The following ZNF865 variants were observed in gnomAD, a reference collection of about 807,000 sequenced individuals.
The protein encoded by ZNF865 is zinc finger protein 865.
For synonymous variants in ZNF865, 763 were observed against 750.8 expected (o/e 1.02, Z -0.27); for missense variants, 1,311 against 1,593.4 (o/e 0.82, Z 3.02).
intron 1 of ZNF865, among the ~76,000 whole-genome samples, chr19:55,606,659 C>G (rs1980955140): frequency 6.6e-6 from 1 of 152,212 alleles, no homozygotes; most frequent in African/African-American, 2.4e-5. Flanking sequence ...TCCTGGACTC[C>G]CTAGGGAAGA....
chr19:55,616,381 G>A lies in ZNF865; in HGVS notation c.2763G>A (p.Glu921=). Residue 921 remains glutamate (E), a synonymous_variant, in exon 2 of 2, where the codon GAG becomes GAA. Coordinates refer to ENST00000568956, the MANE Select transcript of ZNF865 (RefSeq NM_001195605.2). ...KRFAQSSSLA[E]HRRLHAVARP... ...TCGCGCAGTCGTCCAGCCTGGCAGA[G>A]CACCGGCGGCTGCACGCTGTGGCCC... The A allele has an allele frequency of 6.6e-7, 1 of 1,510,624 alleles. No homozygotes were observed. Among genetic ancestry groups the A allele is most frequent in the South Asian group, 1.2e-5 (1 of 80,762 alleles). 93.6% of individuals were successfully genotyped at this position (1,510,624 alleles called of 1,614,324 possible).
At position 55,616,435 on chromosome 19, in the gene ZNF865, G is replaced by A; in HGVS notation, c.2817G>A (p.Lys939=). 1 of 1,521,996 alleles carries A rather than the reference G, an allele frequency of 6.6e-7. No individual in the cohort carries two copies. The highest frequency in any genetic ancestry group is 8.8e-7 in the Non-Finnish European group (1 of 1,140,082). The allele number at this position is 1,521,996 out of a possible 1,614,324, so 94.3% of individuals were successfully genotyped here. ...CCCAGCGCTGCAGCGCCTGTGGCAA[G>A]ACCTTCCGCTACCGCTCCAACCTGC... ...ARPQRCSACG[K]TFRYRSNLLE... Residue 939 remains lysine (K), a synonymous_variant, in exon 2 of 2, where the codon AAG becomes AAA. Coordinates refer to ENST00000568956, the MANE Select transcript of ZNF865 (RefSeq NM_001195605.2).
Position 55,616,070 on chromosome 19 carries a change from C to T in ZNF865, c.2452C>T (p.Arg818Trp). ...VTHKYVHLVRRTLGCGLCGQS... is the reference protein window; with the variant it reads ...VTHKYVHLVRWTLGCGLCGQS... ...TCACAAGTACGTGCACCTGGTGCGA[C>T]GGACCCTGGGCTGCGGCCTCTGCGG... The change falls in exon 2 of 2, where the codon CGG (arginine) becomes TGG (tryptophan). Residue 818 changes from arginine to tryptophan, a missense_variant. Transcript: ENST00000568956. 1.3e-6 allele frequency: 2 copies of T among 1,511,386 alleles called. No individual in the cohort carries two copies. The highest frequency in any genetic ancestry group is 1.8e-6 in the Non-Finnish European group (2 of 1,134,974). The allele number at this position is 1,511,386 out of a possible 1,614,324, so 93.6% of individuals were successfully genotyped here.
intron 1 of ZNF865, among the ~76,000 whole-genome samples, chr19:55,606,102 C>A (rs1980930148): frequency 6.6e-6 from 1 of 152,122 alleles, no homozygotes; most frequent in African/African-American, 2.4e-5. Flanking sequence ...AGGGCAGCTG[C>A]TCGTGAACCC....
rs1237266766 is a variant in ZNF865, at chr19:55,613,900, G to GTCCTCGTCCTCGTCCTCCTCC, written c.288_308dup (p.Ser111_Ser117dup). On this transcript the variant is annotated inframe_insertion, in exon 2 of 2. Transcript: ENST00000568956. Reference sequence around the variant, plus strand: ...AGCCCAAGGCGGAGGTGCCCTCCTCGTCCTCGTCCTCGTCCTCCTCCTCCT... The same window carrying GTCCTCGTCCTCGTCCTCCTCC: ...AGCCCAAGGCGGAGGTGCCCTCCTCGTCCTCGTCCTCGTCCTCCTCCTCCTCGTCCTCGTCCTCCTCCTCCT... The GTCCTCGTCCTCGTCCTCCTCC allele has an allele frequency of 7.3e-6, 11 of 1,501,652 alleles. No individual in the cohort carries two copies. Among genetic ancestry groups the GTCCTCGTCCTCGTCCTCCTCC allele is most frequent in the South Asian group, 1.2e-5 (1 of 82,800 alleles). 93.0% of individuals were successfully genotyped at this position (1,501,652 alleles called of 1,614,324 possible).
chr19:55,610,139 A>G (rs1301852127), intron 1 of ZNF865, among the ~76,000 whole-genome samples: 1 of 152,166 alleles, frequency 6.6e-6, no homozygotes, highest in Non-Finnish European at 1.5e-5. Context: ...TCATTCCACA[A>G]ATACCAAGAT....
rs1416989379 is a variant in ZNF865 at position 55,614,240 on chromosome 19, G to A, written c.622G>A (p.Asp208Asn). 4.6e-6 allele frequency: 7 copies of A among 1,512,650 alleles called. No homozygotes were observed. The South Asian group carries it at 7.3e-5, about 16-fold the overall frequency. 93.7% of individuals were successfully genotyped at this position (1,512,650 alleles called of 1,614,324 possible). A position where few individuals can be genotyped will look rare whatever the true frequency, so the allele number is the denominator to read the frequency against. The change falls in exon 2 of 2, where the codon GAC (aspartate) becomes AAC (asparagine). Residue 208 changes from aspartate (D) to asparagine (N), a missense_variant. Physicochemically the swap from Asp to Asn is conservative, Grantham distance 23. Coordinates refer to ENST00000568956, the MANE Select transcript of ZNF865 (RefSeq NM_001195605.2). The surrounding 1 kb of genome is among the most constrained non-coding windows in gnomAD (Gnocchi z 8.0). ...GGCGGCGGCCTGCGACCCCACCAAG[G>A]ACGACAAGGGCTACTTCCGGAGACT... ...PAAAACDPTK[D>N]DKGYFRRLKY...
chr19:55,609,359 C>G (rs780713537), intron 1 of ZNF865, among the ~76,000 whole-genome samples: 2 of 152,186 alleles, frequency 1.3e-5, no homozygotes, highest in Non-Finnish European at 2.9e-5. Flanking sequence ...GGCCCTCAGT[C>G]TCTTCCTTTG....
Position 55,616,255 on chromosome 19 carries a change from C to G in ZNF865, c.2637C>G (p.Gly879=). The change falls in exon 2 of 2, where the codon GGC becomes GGG. Residue 879 remains glycine, a synonymous_variant. Coordinates refer to ENST00000568956, the MANE Select transcript of ZNF865 (RefSeq NM_001195605.2). ...CHTEQRPYRC[G]VCGRGFLRSW... is the part of the protein sequence containing the mutation. Reference sequence around the variant, plus strand: ...CGGAACAGCGGCCGTACCGATGTGGCGTGTGCGGCCGAGGCTTCCTGCGCT... The same window carrying G: ...CGGAACAGCGGCCGTACCGATGTGGGGTGTGCGGCCGAGGCTTCCTGCGCT... 1 of 1,522,544 alleles carries G rather than the reference C, an allele frequency of 6.6e-7. No homozygotes were observed. The highest frequency in any genetic ancestry group is 1.2e-5 in the South Asian group (1 of 82,938). 94.3% of individuals were successfully genotyped at this position (1,522,544 alleles called of 1,614,324 possible).
intron 1 of ZNF865, among the ~76,000 whole-genome samples, chr19:55,611,000 TCCTGATAGTTCTC>T (rs1406168136): frequency 6.6e-6 from 1 of 152,128 alleles, no homozygotes; most frequent in Non-Finnish European, 1.5e-5. Context: ...AAAGCTCTTA[TCCTGATAGTTCTC>T]CCCTCACCTT....
Position 55,615,388 on chromosome 19 carries a change from C to T in ZNF865, c.1770C>T (p.Ser590=). ...CPVCGKRFRE[S]FHLSKHHVVH... is the part of the protein sequence containing the mutation. Reference sequence around the variant, plus strand: ...TGTGTGGGAAGCGCTTCCGCGAATCCTTCCACTTGAGCAAGCATCACGTGG... The same window carrying T: ...TGTGTGGGAAGCGCTTCCGCGAATCTTTCCACTTGAGCAAGCATCACGTGG... Residue 590 remains serine (S), a synonymous_variant, in exon 2 of 2, where the codon TCC becomes TCT. Coordinates refer to ENST00000568956, the MANE Select transcript of ZNF865 (RefSeq NM_001195605.2). The T allele has an allele frequency of 6.7e-7, 1 of 1,499,012 alleles. No individual in the cohort carries two copies. The highest frequency in any genetic ancestry group is 2.3e-5 in the Admixed American group (1 of 44,390). 92.9% of individuals were successfully genotyped at this position (1,499,012 alleles called of 1,614,324 possible). A position where few individuals can be genotyped will look rare whatever the true frequency, so the allele number is the denominator to read the frequency against.
rs2123589957 is a variant in ZNF865 at position 55,613,666 on chromosome 19, C to T, written c.48C>T (p.Ser16=). The T allele has an allele frequency of 6.5e-7, 1 of 1,528,872 alleles. No homozygotes were observed. Among genetic ancestry groups the T allele is most frequent in the Non-Finnish European group, 8.7e-7 (1 of 1,143,668 alleles). 94.7% of individuals were successfully genotyped at this position (1,528,872 alleles called of 1,614,324 possible). The change falls in exon 2 of 2, where the codon AGC becomes AGT. Residue 16 remains serine, a synonymous_variant. Transcript: ENST00000568956. The part of the protein sequence containing the change: ...AGSGAGGGGS[S]GIGGEDGVHF... ...GCGGCGCCGGGGGTGGCGGGAGCAG[C>T]GGCATCGGGGGCGAGGACGGGGTGC... is the stretch of plus-strand genomic sequence containing the variant.
In ZNF865 at chr19:55,614,048, A is replaced by C; in HGVS notation, c.430A>C (p.Thr144Pro). Residue 144 changes from threonine to proline, a missense_variant, in exon 2 of 2, where the codon ACT becomes CCT. Physicochemically the swap from Thr to Pro is conservative, Grantham distance 38. Coordinates refer to ENST00000568956, the MANE Select transcript of ZNF865 (RefSeq NM_001195605.2). The surrounding 1 kb of genome is among the most constrained non-coding windows in gnomAD (Gnocchi z 8.0). ...PPPLFDAAFP[T>P]PQWGIVDLSG... is the part of the protein sequence containing the mutation. ...TCCCCTCTTTGACGCTGCTTTCCCC[A>C]CTCCGCAGTGGGGCATCGTGGACCT... 4 of 1,456,560 alleles carry C rather than the reference A, an allele frequency of 2.7e-6. No individual in the cohort carries two copies. The highest frequency in any genetic ancestry group is 4.8e-5 in the Admixed American group (2 of 41,470). The allele number at this position is 1,456,560 out of a possible 1,614,324, so 90.2% of individuals were successfully genotyped here. A position where few individuals can be genotyped will look rare whatever the true frequency, so the allele number is the denominator to read the frequency against.
In ZNF865 at chr19:55,614,077, G is replaced by T. The variant is rs756703150; in HGVS notation, c.459G>T (p.Ser153=). The change falls in exon 2 of 2, where the codon TCG becomes TCT. Residue 153 remains serine, a synonymous_variant. Transcript: ENST00000568956. This position sits in a 1 kb window ranked among gnomAD's most constrained non-coding sequence, Gnocchi z 8.0. ...PTPQWGIVDL[S]GHQHLFGNLK... is the part of the protein sequence containing the mutation. ...CGCAGTGGGGCATCGTGGACCTCTC[G>T]GGGCACCAGCACTTGTTTGGGAACC... The T allele has an allele frequency of 8.3e-6, 12 of 1,448,746 alleles. No homozygotes were observed. The highest frequency in any genetic ancestry group is 1.1e-5 in the Non-Finnish European group (12 of 1,107,740). 89.7% of individuals were successfully genotyped at this position (1,448,746 alleles called of 1,614,324 possible).
At chr19:55,607,928 C>G (rs1317036823) in intron 1 of ZNF865, among the ~76,000 whole-genome samples, 2 of 152,152 alleles carry the variant, frequency 1.3e-5, no homozygotes, top group African/African-American at 2.4e-5. Flanking sequence ...TGTTGTAGGT[C>G]CTGGGGATGG....
At chr19:55,606,989 T>C (rs186789426) in intron 1 of ZNF865, among the ~76,000 whole-genome samples, 51 of 152,076 alleles carry the variant, frequency 3.4e-4, no homozygotes, top group African/African-American at 1.1e-3. Context: ...GAAGTGGCGG[T>C]GAGCACGGTG....
At position 55,615,915 on chromosome 19, in the gene ZNF865, G is replaced by T. The variant is rs1326726185; in HGVS notation, c.2297G>T (p.Gly766Val). 1.6e-5 allele frequency: 24 copies of T among 1,484,070 alleles called. No homozygotes were observed. In the South Asian group the frequency reaches 1.8e-4, roughly 11 times the overall value. 91.9% of individuals were successfully genotyped at this position (1,484,070 alleles called of 1,614,324 possible). Residue 766 changes from glycine to valine, a missense_variant, in exon 2 of 2, where the codon GGG becomes GTG. Physicochemically the swap from Gly to Val is moderately radical, Grantham distance 109. Transcript: ENST00000568956. ...GGGGCGGCCGTGGCGGCACTGGCAG[G>T]GGTGTCTGGGGGTGAGGACGCAGGC... ...EVGAAVAALA[G>V]VSGGEDAGGA...
rs1198242002 is a variant in ZNF865 at position 55,611,730 on chromosome 19, TG to T, written c.-26-1860del. ...AACCCCCTTGACCCCCATAGCGGGC[TG>T]GGCTTAGAGCCTGGCCCCCATCGGG... On this transcript the variant is annotated intron_variant, in intron 1 of 1. Coordinates refer to ENST00000568956, the MANE Select transcript of ZNF865 (RefSeq NM_001195605.2). The surrounding 1 kb of genome is among the most constrained non-coding windows in gnomAD (Gnocchi z 4.5). Among the ~76,000 whole-genome samples the T allele has an allele frequency of 1.3e-5, 2 of 152,184 alleles. No homozygotes were observed. Among genetic ancestry groups the T allele is most frequent in the Admixed American group, 6.5e-5 (1 of 15,274 alleles).
rs1441381972 is a variant in ZNF865 at position 55,613,664 on chromosome 19, A to G, written c.46A>G (p.Ser16Gly). The G allele has an allele frequency of 3.9e-6, 6 of 1,528,790 alleles. No individual in the cohort carries two copies. The highest frequency in any genetic ancestry group is 5.2e-6 in the Non-Finnish European group (6 of 1,143,702). The allele number at this position is 1,528,790 out of a possible 1,614,324, so 94.7% of individuals were successfully genotyped here. Residue 16 changes from serine to glycine, a missense_variant, in exon 2 of 2, where the codon AGC (serine) becomes GGC (glycine). Coordinates refer to ENST00000568956, the MANE Select transcript of ZNF865 (RefSeq NM_001195605.2). ...AGSGAGGGGS[S>G]GIGGEDGVHF... is the part of the protein sequence containing the mutation. ...CAGCGGCGCCGGGGGTGGCGGGAGCAGCGGCATCGGGGGCGAGGACGGGGT... is the reference window on the plus strand; with the variant it reads ...CAGCGGCGCCGGGGGTGGCGGGAGCGGCGGCATCGGGGGCGAGGACGGGGT...
Sources: gnomAD v4.1 joint callset for allele counts (sites outside exome capture counted in the v4.1 genomes callset) on GRCh38, gnomAD v4.1.1 for gene constraint, Gnocchi (gnomAD v3.1) non-coding constraint, MANE v1.5 for transcripts, NCBI Gene and HGNC (gene_info 2026-07-23, HGNC 2026-07-21) for gene names.